Variants in ORC4 observed in about 807,000 individuals in gnomAD.
ORC4 encodes origin recognition complex subunit 4.
In ORC4, 55 loss-of-function variants were observed where a neutral mutation model predicts 63.9. The observed-to-expected ratio is 0.86, with a 90% CI of 0.69 to 1.08. ORC4 has a LOEUF of 1.08. ORC4 is among the 50% of genes least tolerant of loss of function. The pLI is 0.00. For synonymous variants in ORC4, 150 were observed against 168.5 expected, an observed-to-expected ratio of 0.89 and a Z score of 0.85; for missense variants, 511 against 504.4, an observed-to-expected ratio of 1.01 and a Z score of -0.13.
At chr2:148,004,494 T>C (rs79565473) in intron 1 of ORC4, among the ~76,000 whole-genome samples, 4,099 of 152,174 alleles carry the variant, frequency 0.027, 125 homozygotes, top group African/African-American at 0.058. Context: ...TTGAAAAACC[T>C]GATGACAACA....
chr2:148,020,217 G>A (rs538396662), intron 1 of ORC4, among the ~76,000 whole-genome samples: 1 of 152,314 alleles, frequency 6.6e-6, no homozygotes, highest in Admixed American at 6.5e-5. Flanking sequence ...TCCAATATGA[G>A]CAACGCGTGT....
chr2:148,012,448 G>T (rs533240750), intron 1 of ORC4, among the ~76,000 whole-genome samples: 2 of 152,020 alleles, frequency 1.3e-5, no homozygotes, highest in South Asian at 4.1e-4. Flanking sequence ...AAAAATCAAA[G>T]AAAAATGCAT....
At position 147,955,352 on chromosome 2, in the gene ORC4, T is replaced by C. The variant is rs764309291; in HGVS notation, c.431A>G (p.Lys144Arg). ...CTGAATATGTTAATATTTACCTTTT[T>C]TTAAAGCTTCCAGAAGAAATGAAAG... ...ENLSFLLEAL[K>R]KGDRTSSCPV... is the part of the protein sequence containing the mutation. The change falls in exon 7 of 14, where the codon AAA (lysine) becomes AGA (arginine). Residue 144 changes from lysine to arginine, a missense_variant. Coordinates refer to ENST00000392857, the MANE Select transcript of ORC4 (RefSeq NM_181741.4). The C allele has an allele frequency of 1.3e-6, 2 of 1,598,830 alleles. No homozygotes were observed. The highest frequency in any genetic ancestry group is 8.6e-7 in the Non-Finnish European group (1 of 1,167,714).
intron 10 of ORC4, among the ~76,000 whole-genome samples, chr2:147,943,118 C>T (rs1046563805): frequency 1.3e-5 from 2 of 151,996 alleles, no homozygotes; most frequent in Non-Finnish European, 2.9e-5. Context: ...AACAAGAAAT[C>T]AAATAAAAGG....
intron 9 of ORC4, 93 bp from the exon 10 acceptor site, chr2:147,943,615 A>C: frequency 1.4e-6 from 1 of 713,742 alleles, no homozygotes; most frequent in Non-Finnish European, 2.5e-6. Flanking sequence ...GGTGTACCTT[A>C]GTAACTCTAT....
At chr2:148,014,236 A>C (rs1244692795) in intron 1 of ORC4, among the ~76,000 whole-genome samples, 3 of 152,212 alleles carry the variant, frequency 2.0e-5, no homozygotes, top group African/African-American at 7.2e-5. Flanking sequence ...ACATTGCCTA[A>C]CAAAGCTGGG....
chr2:148,013,915 A>G (rs940102103), intron 1 of ORC4, among the ~76,000 whole-genome samples: 6 of 152,234 alleles, frequency 3.9e-5, no homozygotes, highest in African/African-American at 1.4e-4. Context: ...ATTACTTACC[A>G]AATTCCATGT....
chr2:147,952,717 C>T (rs764257823), intron 7 of ORC4, among the ~76,000 whole-genome samples, 193 bp from the exon 8 acceptor site: 2 of 152,150 alleles, frequency 1.3e-5, no homozygotes, highest in African/African-American at 4.8e-5. Context: ...CAAACACAGC[C>T]CCGACTGCTC....
chr2:147,943,374 G>T, intron 10 of ORC4, 62 bp downstream of exon 10: 1 of 1,087,696 alleles, frequency 9.2e-7, no homozygotes, highest in South Asian at 1.3e-5. Flanking sequence ...AACAAAGTGA[G>T]ACCCCGTCAC....
intron 1 of ORC4, among the ~76,000 whole-genome samples, chr2:147,980,224 GA>G (rs766691860): frequency 1.7e-4 from 26 of 149,516 alleles, no homozygotes; most frequent in Admixed American, 3.3e-4. Flanking sequence ...ATTTAGAGGG[GA>G]AAAAAAATGC....
intron 4 of ORC4, among the ~76,000 whole-genome samples, chr2:147,968,798 C>T (rs115348942): frequency 1.4e-4 from 22 of 151,870 alleles, no homozygotes; most frequent in African/African-American, 4.6e-4. Flanking sequence ...TATAAAGGAA[C>T]GGAAATCATT....
At chr2:147,942,518 G>A (rs959196781) in intron 10 of ORC4, among the ~76,000 whole-genome samples, 6 of 151,966 alleles carry the variant, frequency 3.9e-5, no homozygotes, top group Admixed American at 2.0e-4. Flanking sequence ...CGAAACGATC[G>A]AGAATAAGCA....
intron 1 of ORC4, among the ~76,000 whole-genome samples, chr2:147,993,154 T>C (rs1020454954): frequency 6.6e-6 from 1 of 152,086 alleles, no homozygotes; most frequent in South Asian, 2.1e-4. Flanking sequence ...TTTTCTCCTA[T>C]ATCTTTAGGT....
intron 1 of ORC4, among the ~76,000 whole-genome samples, chr2:148,010,317 TAAG>T (rs1046893046): frequency 1.1e-4 from 17 of 149,730 alleles, no homozygotes; most frequent in African/African-American, 3.9e-4. Context: ...AGCCCCAAAT[TAAG>T]AAGAGAAATA....
rs1573734411 is a variant in ORC4 at position 147,934,679 on chromosome 2, C to T, written c.*831G>A. On this transcript the variant is annotated 3_prime_UTR_variant, in exon 14 of 14. Coordinates refer to ENST00000392857, the MANE Select transcript of ORC4 (RefSeq NM_181741.4). ...ATTACTCTTCAGCTATAGCACTGTA[C>T]AGAATGTTACTGTAATCATACTGTA... 1 of 152,126 alleles carries T rather than the reference C, an allele frequency of 6.6e-6. No homozygotes were observed. Among genetic ancestry groups the T allele is most frequent in the South Asian group, 2.1e-4 (1 of 4,828 alleles). The allele number at this position is 152,126 out of a possible 1,614,324, so 9.4% of individuals were successfully genotyped here.
intron 4 of ORC4, among the ~76,000 whole-genome samples, chr2:147,968,126 C>T (rs903995045): frequency 6.6e-6 from 1 of 151,942 alleles, no homozygotes; most frequent in Non-Finnish European, 1.5e-5. Flanking sequence ...ATCTCTCATC[C>T]TGTACAAAAA....
chr2:147,945,974 C>A (rs749042318), intron 9 of ORC4, among the ~76,000 whole-genome samples: 31 of 152,066 alleles, frequency 2.0e-4, no homozygotes, highest in Non-Finnish European at 3.1e-4. Flanking sequence ...GACACAAACA[C>A]CAGTGATGCT....
chr2:147,948,314 A>G (rs976409527), intron 8 of ORC4, 90 bp from the exon 9 acceptor site: 1 of 774,494 alleles, frequency 1.3e-6, no homozygotes, highest in Non-Finnish European at 2.2e-6. Flanking sequence ...TAAGTAAACT[A>G]TCACCTATAA....
At chr2:147,961,229 C>A (rs1689572789) in intron 4 of ORC4, among the ~76,000 whole-genome samples, 1 of 152,024 alleles carries the variant, frequency 6.6e-6, no homozygotes, top group Non-Finnish European at 1.5e-5. Flanking sequence ...CACTTGAGCA[C>A]AGCAGTTCCA....
Sources: allele counts gnomAD v4.1 joint callset (sites outside exome capture counted in the v4.1 genomes callset), GRCh38; gene constraint gnomAD v4.1.1; transcripts MANE v1.5; gene names NCBI Gene and HGNC (gene_info 2026-07-23, HGNC 2026-07-21).